TMEM117: variants seen among roughly 807,000 people sequenced by gnomAD.
TMEM117 encodes transmembrane protein 117.
A neutral mutation model predicts 52.4 loss-of-function variants in TMEM117; 27 were observed. The observed-to-expected ratio is 0.51, with a 90% confidence interval of 0.38 to 0.71. TMEM117 has a LOEUF of 0.71. Ranked by LOEUF, TMEM117 falls within the 30% of genes least tolerant of loss-of-function variation. TMEM117 has a pLI of 0.00. For missense variants in TMEM117, 556 were observed against 630.5 expected (o/e 0.88, Z 1.26); for synonymous variants, 215 against 206.3 (o/e 1.04, Z -0.36).
chr12:44,211,710 A>G (rs1413423357), intron 5 of TMEM117, among the ~76,000 whole-genome samples: 2 of 152,212 alleles, frequency 1.3e-5, no homozygotes, highest in East Asian at 3.8e-4. Flanking sequence ...TCCTATAAAT[A>G]CTAAATTGCC....
At chr12:44,165,343 A>C (rs1948951765) in intron 4 of TMEM117, among the ~76,000 whole-genome samples, 1 of 152,218 alleles carries the variant, frequency 6.6e-6, no homozygotes, top group South Asian at 2.1e-4. Flanking sequence ...CAATTAACAA[A>C]ATGATAGAAG....
At chr12:44,224,307 A>G (rs1430927747) in intron 5 of TMEM117, among the ~76,000 whole-genome samples, 1 of 152,122 alleles carries the variant, frequency 6.6e-6, no homozygotes. Flanking sequence ...TAGGCGTTAG[A>G]GATTTTATTT....
intron 4 of TMEM117, among the ~76,000 whole-genome samples, chr12:44,208,337 G>T (rs1176088439): frequency 6.6e-6 from 1 of 152,098 alleles, no homozygotes; most frequent in Non-Finnish European, 1.5e-5. Context: ...AAGGGGAAGG[G>T]AAGGATTCTG....
At chr12:44,341,088 C>T (rs1299551026) in intron 6 of TMEM117, among the ~76,000 whole-genome samples, 2 of 151,956 alleles carry the variant, frequency 1.3e-5, no homozygotes, top group Non-Finnish European at 2.9e-5. Flanking sequence ...CACTCTGGAC[C>T]TATTGGGCTC....
chr12:44,387,942 T>A, intron 7 of TMEM117, 84 bp from the exon 8 acceptor site: 2 of 1,199,956 alleles, frequency 1.7e-6, no homozygotes, highest in Non-Finnish European at 2.3e-6. Flanking sequence ...GATGTTATTA[T>A]ACCATTATCC....
intron 2 of TMEM117, among the ~76,000 whole-genome samples, chr12:43,924,938 A>G (rs571102424): frequency 4.0e-4 from 61 of 152,256 alleles, no homozygotes; most frequent in African/African-American, 1.4e-3. Context: ...TAGTCATCCG[A>G]AGGCTTGACT....
At chr12:44,349,699 T>C (rs764209430) in intron 6 of TMEM117, among the ~76,000 whole-genome samples, 5 of 152,048 alleles carry the variant, frequency 3.3e-5, no homozygotes, top group Non-Finnish European at 7.4e-5. Flanking sequence ...TGTCAACTTT[T>C]CCCAGTTTAG....
intron 2 of TMEM117, among the ~76,000 whole-genome samples, chr12:43,889,598 A>G (rs916000525): frequency 2.0e-5 from 3 of 152,222 alleles, no homozygotes; most frequent in East Asian, 1.9e-4. Flanking sequence ...GGGGACCCCA[A>G]TGTAGATAAT....
chr12:43,841,290 T>C (rs983777820), intron 1 of TMEM117, among the ~76,000 whole-genome samples: 1 of 152,198 alleles, frequency 6.6e-6, no homozygotes, highest in African/African-American at 2.4e-5. Flanking sequence ...TTGTGGTATA[T>C]TAGAAAGATT....
intron 3 of TMEM117, among the ~76,000 whole-genome samples, chr12:44,082,980 T>C (rs1266857583): frequency 5.9e-5 from 9 of 152,204 alleles, no homozygotes; most frequent in Admixed American, 5.9e-4. Context: ...GTAATTTTTT[T>C]CATCTTTGAT....
At chr12:43,951,188 G>A (rs1945215292) in intron 3 of TMEM117, among the ~76,000 whole-genome samples, 1 of 152,216 alleles carries the variant, frequency 6.6e-6, no homozygotes, top group South Asian at 2.1e-4. Context: ...TACACCACCA[G>A]GGCCCTGGGT....
the TMEM117 span, chr12:43,798,512 G>T: frequency 6.8e-7 from 1 of 1,465,300 alleles, no homozygotes; most frequent in Non-Finnish European, 9.0e-7. Context: ...AGATTCTACA[G>T]CATAAATGAT....
Position 44,293,905 on chromosome 12 carries a change from G to T in TMEM117, c.609-5675G>T, listed in dbSNP as rs118160964. Among the ~76,000 whole-genome samples, 330 of 152,148 alleles carry T rather than the reference G, an allele frequency of 2.2e-3. 8 individuals carry two copies. In the East Asian group the frequency reaches 0.054, roughly 25 times the overall value. On this transcript the variant is annotated intron_variant, in intron 5 of 7. Coordinates refer to ENST00000266534, the MANE Select transcript of TMEM117 (RefSeq NM_032256.3). ...TTTACTAGGGAATCTTATACATTCAGATATTTTTATTTTGTTAATTAGCAT... is the reference window on the plus strand; with the variant it reads ...TTTACTAGGGAATCTTATACATTCATATATTTTTATTTTGTTAATTAGCAT...
chr12:44,130,906 C>G lies in TMEM117; in HGVS notation c.411-12619C>G, dbSNP rs1948403777. 6.6e-5 allele frequency among the ~76,000 whole-genome samples: 10 copies of G among 151,904 alleles called. No individual in the cohort carries two copies. In the South Asian group the frequency reaches 2.1e-3, roughly 32 times the overall value. ...TCTGACATTGATTTCTGACATTGTG[C>G]TTTTTCTGTATATTTTTATCAGTCT... On this transcript the variant is annotated intron_variant, in intron 3 of 7. Coordinates refer to ENST00000266534, the MANE Select transcript of TMEM117 (RefSeq NM_032256.3).
At position 44,025,520 on chromosome 12, in the gene TMEM117, T is replaced by A. The variant is rs11182387; in HGVS notation, c.410+81178T>A. ...CTATTTAAAGATAGAAAAACAAGAA[T>A]GTAGAGATCTATTCCTCTTTTTTCA... On this transcript the variant is annotated intron_variant, in intron 3 of 7. Transcript: ENST00000266534. Among the ~76,000 whole-genome samples the A allele has an allele frequency of 1.0e-3, 154 of 152,330 alleles. 2 individuals are homozygous for A. In the East Asian group the frequency reaches 0.025, roughly 25 times the overall value.
intron 5 of TMEM117, among the ~76,000 whole-genome samples, chr12:44,228,798 G>T (rs1473468305): frequency 6.6e-6 from 1 of 152,132 alleles, no homozygotes; most frequent in East Asian, 1.9e-4. Context: ...AAAGGTGGAG[G>T]GTCATTTGAG....
chr12:43,910,710 CAGAG>C (rs1425685936), intron 2 of TMEM117, among the ~76,000 whole-genome samples: 3 of 119,172 alleles, frequency 2.5e-5, no homozygotes, highest in South Asian at 3.4e-4. Flanking sequence ...AACAGACAAA[CAGAG>C]AGCCAAATCA....
Position 44,108,342 on chromosome 12 carries a change from C to G in TMEM117, c.411-35183C>G, listed in dbSNP as rs1380754732. Among the ~76,000 whole-genome samples, 2 of 122,034 alleles carry G rather than the reference C, an allele frequency of 1.6e-5. 1 individual carries two copies. Among genetic ancestry groups the G allele is most frequent in the Admixed American group, 1.7e-4 (2 of 11,740 alleles). 80.1% of individuals were successfully genotyped at this position (122,034 alleles called of 152,430 possible). ...CTAGCATTAGGTATATCTCCCAATG[C>G]TATCCCTCCCCCCTCCCCCGACCCC... is the stretch of plus-strand genomic sequence containing the variant. On this transcript the variant is annotated intron_variant, in intron 3 of 7. Transcript: ENST00000266534.
At chr12:44,006,595 G>T (rs1426564777) in intron 3 of TMEM117, among the ~76,000 whole-genome samples, 1 of 152,110 alleles carries the variant, frequency 6.6e-6, no homozygotes, top group African/African-American at 2.4e-5. Flanking sequence ...CTCTCACAAA[G>T]AATCAATAAT....
Sources: allele counts gnomAD v4.1 joint callset (sites outside exome capture counted in the v4.1 genomes callset), GRCh38; gene constraint gnomAD v4.1.1; transcripts MANE v1.5; gene names NCBI Gene and HGNC (gene_info 2026-07-23, HGNC 2026-07-21).